The following MYPN variants were observed in gnomAD, a reference collection of about 807,000 sequenced individuals.
MYPN encodes the protein myopalladin.
Under a neutral mutation model 129.4 loss-of-function variants are expected in MYPN, and 63 were observed. The ratio of observed to expected loss-of-function variants is 0.49; its 90% confidence interval spans 0.40 to 0.60. MYPN has a LOEUF of 0.60. MYPN is among the 20% of genes least tolerant of loss of function. MYPN has a pLI of 0.00. For synonymous variants in MYPN, 629 were observed against 600.9 expected (o/e 1.05, Z -0.68); for missense variants, 1,596 against 1,635.4 (o/e 0.98, Z 0.42).
At chr10:68,206,541 T>G (rs1172864546) in intron 18 of MYPN, among the ~76,000 whole-genome samples, 1 of 152,134 alleles carries the variant, frequency 6.6e-6, no homozygotes, top group Non-Finnish European at 1.5e-5. Flanking sequence ...GGAGCGCAAC[T>G]TCAGTGGACT....
chr10:68,165,676 A>T, intron 8 of MYPN, 26 bp from the exon 9 acceptor site: 1 of 1,511,590 alleles, frequency 6.6e-7, no homozygotes, highest in Non-Finnish European at 9.2e-7. Context: ...TGAAGTCAGT[A>T]ACCATTCTGT....
At chr10:68,149,790 A>G (rs2042735378) in intron 5 of MYPN, among the ~76,000 whole-genome samples, 1 of 152,066 alleles carries the variant, frequency 6.6e-6, no homozygotes. Context: ...TTAATGACAT[A>G]GATCCACAGA....
chr10:68,152,653 G>T (rs1294445135), intron 6 of MYPN, among the ~76,000 whole-genome samples: 2 of 152,068 alleles, frequency 1.3e-5, no homozygotes, highest in African/African-American at 4.8e-5. Context: ...TTTGTTTTTT[G>T]AGATGGAGTT....
chr10:68,163,436 C>G (rs1435036493), intron 8 of MYPN, among the ~76,000 whole-genome samples: 2 of 151,934 alleles, frequency 1.3e-5, no homozygotes, highest in Non-Finnish European at 2.9e-5. Context: ...ACCATCCTGG[C>G]TAACACGGTG....
At chr10:68,149,071 A>G (rs1260709689) in intron 5 of MYPN, among the ~76,000 whole-genome samples, 4 of 151,998 alleles carry the variant, frequency 2.6e-5, no homozygotes, top group Non-Finnish European at 5.9e-5. Context: ...ACAAAAAAGA[A>G]AAAAAAATTA....
Position 68,188,930 on chromosome 10 carries a change from A to G in MYPN, c.2729A>G (p.Gln910Arg), listed in dbSNP as rs2043464810. Residue 910 changes from glutamine (Q) to arginine (R), a missense_variant, in exon 13 of 20, where the codon CAG becomes CGG. Coordinates refer to ENST00000358913, the MANE Select transcript of MYPN (RefSeq NM_032578.4). ...QQEYKISSFE[Q>R]RLMNEIEFRL... ...GAGTACAAAATTTCAAGCTTTGAGC[A>G]GAGGCTGATGAATGAAATAGAGTTT... 3 of 1,613,956 alleles carry G rather than the reference A, an allele frequency of 1.9e-6. No individual in the cohort carries two copies. The highest frequency in any genetic ancestry group is 1.7e-5 in the Admixed American group (1 of 59,972).
Position 68,174,295 on chromosome 10 carries a change from G to A in MYPN, c.2203G>A (p.Ala735Thr). 1 of 1,614,142 alleles carries A rather than the reference G, an allele frequency of 6.2e-7. No homozygotes were observed. The highest frequency in any genetic ancestry group is 8.5e-7 in the Non-Finnish European group (1 of 1,180,030). Residue 735 changes from alanine to threonine, a missense_variant, in exon 11 of 20, where the codon GCA becomes ACA. Coordinates refer to ENST00000358913, the MANE Select transcript of MYPN (RefSeq NM_032578.4). ...CTTCCCCTCCACGAACACCACCGCA[G>A]CAACTGTGGCCCCTTCCAGCTCTCC... Reference protein sequence around the residue: ...YFFPSTNTTAATVAPSSSPVF... With the variant: ...YFFPSTNTTATTVAPSSSPVF...
chr10:68,149,819 G>A (rs1210667234), intron 5 of MYPN, among the ~76,000 whole-genome samples: 2 of 152,096 alleles, frequency 1.3e-5, no homozygotes, highest in African/African-American at 4.8e-5. Context: ...TGAAGGGGTG[G>A]CGTGGGGATA....
chr10:68,148,303 A>G (rs1406087289), intron 4 of MYPN, 50 bp from the exon 5 acceptor site: 2 of 1,411,432 alleles, frequency 1.4e-6, no homozygotes, highest in Non-Finnish European at 2.0e-6. Context: ...AATAATTTTC[A>G]CAAAGAGTGA....
chr10:68,168,819 C>T lies in MYPN; in HGVS notation c.1973+2153C>T, dbSNP rs75075107. On this transcript the variant is annotated intron_variant, in intron 10 of 19. Transcript: ENST00000358913. ...GGGATGAAAAGAAAACCACCATACA[C>T]GGGGTCAAAAAGGCCTGTTTCAAAT... Among the ~76,000 whole-genome samples, 555 of 151,756 alleles carry T rather than the reference C, an allele frequency of 3.7e-3. 6 individuals are homozygous for T. Among genetic ancestry groups the T allele is most frequent in the African/African-American group, 0.013 (520 of 41,354 alleles).
intron 18 of MYPN, among the ~76,000 whole-genome samples, chr10:68,202,397 G>C (rs1244648232): frequency 6.6e-6 from 1 of 151,620 alleles, no homozygotes; most frequent in Non-Finnish European, 1.5e-5. Flanking sequence ...TGCGCCACGG[G>C]ACTCCAGCCT....
intron 18 of MYPN, among the ~76,000 whole-genome samples, chr10:68,202,204 G>A (rs545742669): frequency 3.9e-5 from 6 of 152,282 alleles, no homozygotes; most frequent in Admixed American, 2.0e-4. Flanking sequence ...AGGCCAAGGC[G>A]GGTGGATCAC....
chr10:68,149,907 C>A, intron 5 of MYPN, 133 bp from the exon 6 acceptor site: 1 of 784,236 alleles, frequency 1.3e-6, no homozygotes, highest in Non-Finnish European at 2.2e-6. Flanking sequence ...GTCTGTGATT[C>A]ATAAACTTAG....
At chr10:68,140,853 G>A (rs57945758) in intron 2 of MYPN, among the ~76,000 whole-genome samples, 10,244 of 151,908 alleles carry the variant, frequency 0.067, 534 homozygotes, top group Admixed American at 0.15. Context: ...CGGATGAATC[G>A]CTTGAGCCCA....
At position 68,166,471 on chromosome 10, in the gene MYPN, G is replaced by A; in HGVS notation, c.1778G>A (p.Arg593Lys). ...CACAATGAGCCCCGGTCCAGCTCCA[G>A]GATTGGGCTTCGTGTGCACTTCAAC... The part of the protein sequence containing the change: ...VNHNEPRSSS[R>K]IGLRVHFNLP... Residue 593 changes from arginine (R) to lysine (K), a missense_variant, in exon 10 of 20, where the codon AGG becomes AAG. Physicochemically the swap from Arg to Lys is conservative, Grantham distance 26. Coordinates refer to ENST00000358913, the MANE Select transcript of MYPN (RefSeq NM_032578.4). The A allele has an allele frequency of 6.2e-7, 1 of 1,614,118 alleles. No homozygotes were observed. The highest frequency in any genetic ancestry group is 8.5e-7 in the Non-Finnish European group (1 of 1,180,028).
intron 15 of MYPN, 108 bp from the exon 16 acceptor site, chr10:68,197,241 TCAA>T: frequency 2.2e-6 from 2 of 923,070 alleles, no homozygotes; most frequent in Non-Finnish European, 3.2e-6. Flanking sequence ...CTTTCCCCCT[TCAA>T]AAAAAAAAAA....
At chr10:68,093,358 C>T (rs1055900909) in intron 1 of MYPN, among the ~76,000 whole-genome samples, 2 of 151,980 alleles carry the variant, frequency 1.3e-5, no homozygotes, top group African/African-American at 2.4e-5. Flanking sequence ...AAAGGGGTCT[C>T]GATCCAGACC....
intron 18 of MYPN, among the ~76,000 whole-genome samples, chr10:68,203,946 C>T (rs377262938): frequency 9.9e-5 from 15 of 152,158 alleles, no homozygotes; most frequent in African/African-American, 3.4e-4. Flanking sequence ...TCAGGACATT[C>T]CTTCTTTGGG....
intron 6 of MYPN, among the ~76,000 whole-genome samples, chr10:68,155,479 A>C (rs2042856749): frequency 6.6e-6 from 1 of 152,052 alleles, no homozygotes; most frequent in Non-Finnish European, 1.5e-5. Flanking sequence ...TAGTGACTTT[A>C]GCCCAGACTC....
Sources: allele counts gnomAD v4.1 joint callset (sites outside exome capture counted in the v4.1 genomes callset), GRCh38; gene constraint gnomAD v4.1.1; transcripts MANE v1.5; gene names NCBI Gene and HGNC (gene_info 2026-07-23, HGNC 2026-07-21).